The following RNF4 variants were observed in gnomAD, a reference collection of about 807,000 sequenced individuals.
RNF4 encodes the protein E3 ubiquitin-protein ligase RNF4.
Under a neutral mutation model 24.3 loss-of-function variants are expected in RNF4, and 7 were observed. The ratio of observed to expected loss-of-function variants is 0.29; its 90% confidence interval spans 0.16 to 0.54. The LOEUF (loss-of-function observed/expected upper bound fraction) is 0.54. RNF4 is among the 20% of genes least tolerant of loss of function. The pLI, the probability that RNF4 is intolerant of heterozygous loss-of-function variation, is 0.95. For synonymous variants in RNF4, 83 were observed against 84.3 expected, an observed-to-expected ratio of 0.98 and a Z score of 0.09; for missense variants, 209 against 248.5, an observed-to-expected ratio of 0.84 and a Z score of 1.07.
At chr4:2,509,052 G>A (rs1158628525) in intron 4 of RNF4, among the ~76,000 whole-genome samples, 5 of 150,574 alleles carry the variant, frequency 3.3e-5, no homozygotes, top group African/African-American at 1.2e-4. Flanking sequence ...CCAAGTAGCT[G>A]GGATTACAGG....
chr4:2,512,065 T>G lies in RNF4; in HGVS notation c.214+100T>G. 5.2e-6 allele frequency: 6 copies of G among 1,144,186 alleles called. No homozygotes were observed. Among genetic ancestry groups the G allele is most frequent in the Non-Finnish European group, 7.6e-6 (6 of 785,996 alleles). 70.9% of individuals were successfully genotyped at this position (1,144,186 alleles called of 1,614,324 possible). A position where few individuals can be genotyped will look rare whatever the true frequency, so the allele number is the denominator to read the frequency against. On this transcript the variant is annotated intron_variant, in intron 5 of 7. Coordinates refer to ENST00000314289, the MANE Select transcript of RNF4 (RefSeq NM_002938.5). The surrounding 1 kb of genome is among the most constrained non-coding windows in gnomAD (Gnocchi z 4.1). ...TCTTGCCAGACCATCCCCAAGGGCT[T>G]GGAGCGCTCCAAGCAGGAAGATGCC...
At chr4:2,498,421 C>T (rs1254738489) in intron 3 of RNF4, among the ~76,000 whole-genome samples, 2 of 152,028 alleles carry the variant, frequency 1.3e-5, no homozygotes. Context: ...CTCCTGACCT[C>T]AGATTATCCA....
At chr4:2,500,568 C>CCA in intron 3 of RNF4, 91 bp from the exon 4 acceptor site, 1 of 1,043,360 alleles carries the variant, frequency 9.6e-7, no homozygotes. Flanking sequence ...TGGGGTAAGC[C>CCA]TATAACATTA....
intron 2 of RNF4, among the ~76,000 whole-genome samples, chr4:2,496,714 C>T (rs190003388): frequency 3.1e-4 from 47 of 152,304 alleles, no homozygotes; most frequent in African/African-American, 1.0e-3. Flanking sequence ...CCACCTCAGC[C>T]TCCGAAAGTG....
chr4:2,477,611 A>G (rs986187783), intron 1 of RNF4, among the ~76,000 whole-genome samples: 1 of 152,072 alleles, frequency 6.6e-6, no homozygotes, highest in Non-Finnish European at 1.5e-5. Context: ...TGATGCTTTT[A>G]TAAGGGGGAG....
chr4:2,475,980 G>A (rs1267543491), intron 1 of RNF4, among the ~76,000 whole-genome samples: 3 of 152,134 alleles, frequency 2.0e-5, no homozygotes, highest in Non-Finnish European at 2.9e-5. Flanking sequence ...AATGTTTCTA[G>A]AAACTTCAAA....
intron 2 of RNF4, among the ~76,000 whole-genome samples, chr4:2,496,579 G>T (rs971432300): frequency 6.6e-6 from 1 of 152,152 alleles, no homozygotes; most frequent in African/African-American, 2.4e-5. Context: ...TCCTGCCTCA[G>T]CCTCTGGAGT....
At chr4:2,507,711 C>G (rs921278699) in intron 4 of RNF4, among the ~76,000 whole-genome samples, 2 of 152,158 alleles carry the variant, frequency 1.3e-5, no homozygotes, top group African/African-American at 4.8e-5. Flanking sequence ...TTTAGAAGCA[C>G]AAAGGGGCTT....
At chr4:2,471,133 A>G (rs1313208307) in intron 1 of RNF4, 2 of 151,654 alleles carry the variant, frequency 1.3e-5, no homozygotes, top group African/African-American at 4.8e-5. Flanking sequence ...CACCCAGTTA[A>G]TTTTTGTATT....
intron 1 of RNF4, chr4:2,469,538 CTG>C (rs1455008462): frequency 2.6e-5 from 4 of 152,326 alleles, no homozygotes; most frequent in African/African-American, 9.6e-5. Context: ...GGAAGGGAAA[CTG>C]AGACTCTGGG....
chr4:2,472,554 C>A lies in RNF4; in HGVS notation c.-158+3296C>A, dbSNP rs118106582. On this transcript the variant is annotated intron_variant, in intron 1 of 7. Transcript: ENST00000314289. Reference sequence around the variant, plus strand: ...ATCGCTTGAGCTCAGGAGTTAGAGACCAGCCGGGGCAGCATAGTGAGACCA... The same window carrying A: ...ATCGCTTGAGCTCAGGAGTTAGAGAACAGCCGGGGCAGCATAGTGAGACCA... Among the ~76,000 whole-genome samples, 131 of 147,418 alleles carry A rather than the reference C, an allele frequency of 8.9e-4. 1 individual carries two copies. In the East Asian group the frequency reaches 0.024, roughly 28 times the overall value.
intron 4 of RNF4, among the ~76,000 whole-genome samples, chr4:2,502,021 C>T (rs1735925623): frequency 6.6e-6 from 1 of 152,176 alleles, no homozygotes; most frequent in South Asian, 2.1e-4. Flanking sequence ...GGTACATACA[C>T]ACATATGACT....
At chr4:2,469,656 T>G (rs1003627741) in intron 1 of RNF4, 1 of 152,242 alleles carries the variant, frequency 6.6e-6, no homozygotes, top group African/African-American at 2.4e-5. Flanking sequence ...GCCTCCTTTG[T>G]GTGTTCGCGC....
chr4:2,491,812 C>T (rs916722645), intron 2 of RNF4, among the ~76,000 whole-genome samples: 7 of 152,028 alleles, frequency 4.6e-5, no homozygotes, highest in African/African-American at 1.7e-4. Context: ...TAGCTCACTG[C>T]AGTCTCCAAC....
chr4:2,488,478 A>C (rs1449495145), intron 1 of RNF4, among the ~76,000 whole-genome samples: 1 of 152,180 alleles, frequency 6.6e-6, no homozygotes, highest in Non-Finnish European at 1.5e-5. Context: ...AACAACAAAA[A>C]AAAACTGAGT....
At chr4:2,482,009 A>C (rs1735259821) in intron 1 of RNF4, among the ~76,000 whole-genome samples, 1 of 152,134 alleles carries the variant, frequency 6.6e-6, no homozygotes, top group South Asian at 2.1e-4. Context: ...TGGGTGCTGG[A>C]TTTCTCCACC....
intron 4 of RNF4, 86 bp from the exon 5 acceptor site, chr4:2,511,870 C>A: frequency 7.3e-7 from 1 of 1,376,748 alleles, no homozygotes; most frequent in Non-Finnish European, 1.0e-6. Flanking sequence ...GGGTGTCACA[C>A]GTCAGAAAAA....
intron 4 of RNF4, among the ~76,000 whole-genome samples, chr4:2,509,746 A>G (rs1471652306): frequency 1.3e-5 from 2 of 152,170 alleles, no homozygotes; most frequent in African/African-American, 2.4e-5. Context: ...ATGACTCACA[A>G]GAGACCATAA....
At chr4:2,479,086 T>C (rs1735170729) in intron 1 of RNF4, among the ~76,000 whole-genome samples, 1 of 152,030 alleles carries the variant, frequency 6.6e-6, no homozygotes, top group African/African-American at 2.4e-5. Flanking sequence ...TTTTGGAGCT[T>C]TGAGATTTGG....
Sources: gnomAD v4.1 joint callset for allele counts (sites outside exome capture counted in the v4.1 genomes callset) on GRCh38, gnomAD v4.1.1 for gene constraint, Gnocchi (gnomAD v3.1) non-coding constraint, MANE v1.5 for transcripts, NCBI Gene and HGNC (gene_info 2026-07-23, HGNC 2026-07-21) for gene names.